The following IFT43 variants were observed in gnomAD, a reference collection of about 807,000 sequenced individuals.
The protein encoded by IFT43 is intraflagellar transport 43.
In IFT43, 33 loss-of-function variants were observed where a neutral mutation model predicts 32.3. The ratio of observed to expected loss-of-function variants is 1.02; its 90% confidence interval spans 0.77 to 1.37. The LOEUF (loss-of-function observed/expected upper bound fraction) is 1.37, where lower values mean the gene tolerates loss of function less well. IFT43 is among the 40% of genes most tolerant of loss of function. The pLI, the probability that IFT43 is intolerant of heterozygous loss-of-function variation, is 0.00. For missense variants in IFT43, 274 were observed against 265.9 expected (o/e 1.03, Z -0.21); for synonymous variants, 93 against 98.2 (o/e 0.95, Z 0.31).
At chr14:76,028,195 G>A (rs1322396347) in intron 3 of IFT43, among the ~76,000 whole-genome samples, 3 of 152,078 alleles carry the variant, frequency 2.0e-5, no homozygotes, top group Non-Finnish European at 4.4e-5. Flanking sequence ...TCTCTCCATT[G>A]CAAAGGTTCT....
At chr14:75,994,085 T>C (rs1467218297) in intron 2 of IFT43, among the ~76,000 whole-genome samples, 1 of 151,192 alleles carries the variant, frequency 6.6e-6, no homozygotes, top group Non-Finnish European at 1.5e-5. Flanking sequence ...TTAAAACAAA[T>C]AGAAATTATA....
At chr14:76,020,666 C>G (rs1226352942) in intron 2 of IFT43, among the ~76,000 whole-genome samples, 1 of 152,080 alleles carries the variant, frequency 6.6e-6, no homozygotes, top group South Asian at 2.1e-4. Flanking sequence ...GTGGCTTAGG[C>G]TATAGTTGTT....
At chr14:76,016,710 GTCT>G (rs1261528457) in intron 2 of IFT43, among the ~76,000 whole-genome samples, 2 of 152,090 alleles carry the variant, frequency 1.3e-5, no homozygotes, top group Non-Finnish European at 2.9e-5. Flanking sequence ...ATTTGTTTAT[GTCT>G]TCTTCAATTT....
At chr14:76,054,729 G>A (rs1375529566) in intron 3 of IFT43, among the ~76,000 whole-genome samples, 1 of 152,214 alleles carries the variant, frequency 6.6e-6, no homozygotes, top group South Asian at 2.1e-4. Context: ...CAGGGGCCCT[G>A]AGTACAGAAA....
chr14:76,057,259 G>A (rs886471334), intron 3 of IFT43, among the ~76,000 whole-genome samples: 1 of 151,578 alleles, frequency 6.6e-6, no homozygotes, highest in African/African-American at 2.4e-5. Context: ...TTGAGACGGA[G>A]TCTCACTCTG....
At chr14:76,049,552 A>G (rs1381035402) in intron 3 of IFT43, among the ~76,000 whole-genome samples, 1 of 152,138 alleles carries the variant, frequency 6.6e-6, no homozygotes, top group Non-Finnish European at 1.5e-5. Context: ...TATTAAAACC[A>G]AGGAATCAAT....
chr14:76,034,964 A>G (rs1389023607), intron 3 of IFT43, among the ~76,000 whole-genome samples: 1 of 152,234 alleles, frequency 6.6e-6, no homozygotes, highest in Non-Finnish European at 1.5e-5. Flanking sequence ...AACTTGGTAA[A>G]GAGAGGAAGG....
intron 2 of IFT43, among the ~76,000 whole-genome samples, chr14:76,012,834 G>T (rs1183408356): frequency 5.3e-5 from 8 of 152,218 alleles, no homozygotes; most frequent in Admixed American, 5.2e-4. Flanking sequence ...GAAATCATTT[G>T]TCCAGCTGTT....
chr14:75,993,928 T>C (rs1370160547), intron 2 of IFT43, among the ~76,000 whole-genome samples: 8 of 152,142 alleles, frequency 5.3e-5, no homozygotes, highest in Non-Finnish European at 7.4e-5. Context: ...TTTCATTTCA[T>C]TGGTCAGAAC....
chr14:76,062,867 G>C (rs1056774954), intron 5 of IFT43, among the ~76,000 whole-genome samples: 2 of 139,046 alleles, frequency 1.4e-5, no homozygotes, highest in African/African-American at 5.5e-5. Flanking sequence ...CAGTGAGGCG[G>C]AGTTTGCACC....
intron 3 of IFT43, among the ~76,000 whole-genome samples, chr14:76,047,151 A>T (rs1036488072): frequency 1.3e-5 from 2 of 152,208 alleles, no homozygotes; most frequent in African/African-American, 4.8e-5. Context: ...AAGTTTCAAC[A>T]TCAGTTTTGG....
chr14:75,988,813 C>A (rs1307140933), intron 1 of IFT43, 72 bp from the exon 2 acceptor site: 8 of 1,609,172 alleles, frequency 5.0e-6, no homozygotes, highest in Non-Finnish European at 6.8e-6. Flanking sequence ...CCACTGCGCC[C>A]GGCTGGATTG....
At chr14:76,027,706 CAAAAAAAAAA>C (rs34486241) in intron 3 of IFT43, among the ~76,000 whole-genome samples, 2 of 97,390 alleles carry the variant, frequency 2.1e-5, no homozygotes, top group East Asian at 5.3e-4. Context: ...GAGACTGTCT[CAAAAAAAAAA>C]AAAAAAAAGA....
At chr14:76,050,615 C>A (rs1389634210) in intron 3 of IFT43, among the ~76,000 whole-genome samples, 2 of 151,894 alleles carry the variant, frequency 1.3e-5, no homozygotes, top group African/African-American at 4.8e-5. Flanking sequence ...CACCGCTGTA[C>A]CCATCTGGTG....
intron 2 of IFT43, among the ~76,000 whole-genome samples, chr14:75,994,176 G>GT (rs1232615215): frequency 1.3e-5 from 2 of 151,384 alleles, no homozygotes; most frequent in Non-Finnish European, 2.9e-5. Flanking sequence ...TTCTTCTCCA[G>GT]TTTTTGTTTT....
chr14:76,064,693 G>A (rs749925310), intron 5 of IFT43, among the ~76,000 whole-genome samples: 4 of 152,160 alleles, frequency 2.6e-5, no homozygotes, highest in Admixed American at 6.5e-5. Context: ...CTCATGTTTT[G>A]TATTTGTTCA....
intron 3 of IFT43, among the ~76,000 whole-genome samples, chr14:76,049,713 G>A (rs1195206504): frequency 1.8e-5 from 1 of 55,370 alleles, no homozygotes; most frequent in Non-Finnish European, 3.9e-5. Flanking sequence ...CTTTCTCCCA[G>A]TGGGAAGAAT....
chr14:76,050,219 C>T (rs188159452), intron 3 of IFT43, among the ~76,000 whole-genome samples: 1 of 152,346 alleles, frequency 6.6e-6, no homozygotes, highest in East Asian at 1.9e-4. Flanking sequence ...TTTGCTTACA[C>T]CTTCCTCACT....
chr14:76,030,120 A>G (rs191313400), intron 3 of IFT43, among the ~76,000 whole-genome samples: 515 of 152,028 alleles, frequency 3.4e-3, no homozygotes, highest in Non-Finnish European at 5.1e-3. Context: ...ACTCCTGGCA[A>G]TCGTCCTACT....
Sources: gnomAD v4.1 joint callset for allele counts (sites outside exome capture counted in the v4.1 genomes callset) on GRCh38, gnomAD v4.1.1 for gene constraint, MANE v1.5 for transcripts, NCBI Gene and HGNC (gene_info 2026-07-23, HGNC 2026-07-21) for gene names.